The following SYT10 variants were observed in gnomAD, a reference collection of about 807,000 sequenced individuals.
SYT10 encodes synaptotagmin 10.
A neutral mutation model predicts 51.1 loss-of-function variants in SYT10; 31 were observed. That is an observed-to-expected ratio of 0.61 (90% CI 0.46 to 0.82). SYT10 has a LOEUF of 0.82. Ranked by LOEUF, SYT10 falls within the 40% of genes least tolerant of loss-of-function variation. The pLI, the probability that SYT10 is intolerant of heterozygous loss-of-function variation, is 0.00. For missense variants in SYT10, 603 were observed against 634.0 expected, an observed-to-expected ratio of 0.95 and a Z score of 0.53; for synonymous variants, 233 against 225.9, an observed-to-expected ratio of 1.03 and a Z score of -0.28.
intron 2 of SYT10, among the ~76,000 whole-genome samples, chr12:33,425,433 C>T (rs10772080): frequency 0.13 from 20,268 of 151,964 alleles, 1,581 homozygotes; most frequent in African/African-American, 0.19. Flanking sequence ...GAATATACTG[C>T]GGTTAATTAT....
chr12:33,414,275 A>C (rs80128390), intron 2 of SYT10, among the ~76,000 whole-genome samples: 7 of 152,176 alleles, frequency 4.6e-5, no homozygotes, highest in Non-Finnish European at 7.3e-5. Flanking sequence ...GACAGATCAA[A>C]GAGACAGAAA....
chr12:33,394,009 G>T (rs1384983657), intron 3 of SYT10, among the ~76,000 whole-genome samples: 3 of 152,058 alleles, frequency 2.0e-5, no homozygotes, highest in African/African-American at 7.2e-5. Flanking sequence ...AAGTTTGCTG[G>T]GTTGATGGGT....
chr12:33,426,634 G>T, intron 1 of SYT10, 139 bp from the exon 2 acceptor site: 1 of 824,982 alleles, frequency 1.2e-6, no homozygotes, highest in Non-Finnish European at 1.8e-6. Flanking sequence ...ATCTTTGTAG[G>T]AAGAAAAGGT....
At chr12:33,407,447 A>C in intron 2 of SYT10, 91 bp from the exon 3 acceptor site, 1 of 1,341,946 alleles carries the variant, frequency 7.5e-7, no homozygotes, top group Admixed American at 2.2e-5. Context: ...CCCCACCCCC[A>C]GAATAGTGAA....
chr12:33,434,918 T>C (rs567471711), intron 1 of SYT10, among the ~76,000 whole-genome samples: 1 of 152,334 alleles, frequency 6.6e-6, no homozygotes, highest in African/African-American at 2.4e-5. Context: ...AGAGCTGACA[T>C]GCTATTGACT....
intron 2 of SYT10, among the ~76,000 whole-genome samples, chr12:33,421,560 T>C (rs1866505296): frequency 6.6e-6 from 1 of 152,102 alleles, no homozygotes; most frequent in Admixed American, 6.6e-5. Flanking sequence ...CTTTTAAAGA[T>C]GATGTATTTA....
intron 3 of SYT10, 57 bp from the exon 4 acceptor site, chr12:33,385,348 A>G: frequency 6.3e-7 from 1 of 1,593,764 alleles, no homozygotes; most frequent in Non-Finnish European, 8.5e-7. Context: ...AAAACCAAAA[A>G]TAATCATTTT....
intron 2 of SYT10, among the ~76,000 whole-genome samples, chr12:33,421,498 C>A (rs1411780381): frequency 6.6e-6 from 1 of 152,102 alleles, no homozygotes; most frequent in Non-Finnish European, 1.5e-5. Flanking sequence ...CTATCATTAA[C>A]CTCTTTCTAA....
rs1175975435 is a variant in SYT10, at chr12:33,439,503, T to A, written c.20A>T (p.Asp7Val). 1 of 1,612,990 alleles carries A rather than the reference T, an allele frequency of 6.2e-7. No individual in the cohort carries two copies. The highest frequency in any genetic ancestry group is 2.2e-5 in the East Asian group (1 of 44,826). Reference protein sequence around the residue: MSFHKEDGVNSLCQKAL... With the variant: MSFHKEVGVNSLCQKAL... ...CTTCTGGCACAGACTGTTCACTCCG[T>A]CCTCCTTGTGGAAACTCATCGTTTG... The change falls in exon 1 of 7, where the codon GAC becomes GTC. Residue 7 changes from aspartate (D) to valine (V), a missense_variant. By Grantham distance (152) the Asp-to-Val change is radical (BLOSUM62 -3). Coordinates refer to ENST00000228567, the MANE Select transcript of SYT10 (RefSeq NM_198992.4).
intron 1 of SYT10, among the ~76,000 whole-genome samples, chr12:33,437,757 A>G (rs1028250882): frequency 1.1e-4 from 17 of 152,052 alleles, no homozygotes; most frequent in African/African-American, 3.9e-4. Flanking sequence ...AGCTTATCTA[A>G]TATCACCACA....
At position 33,382,460 on chromosome 12, in the gene SYT10, G is replaced by A. The variant is rs35190376; in HGVS notation, c.1259C>T (p.Thr420Ile). 9.3e-6 allele frequency: 15 copies of A among 1,612,990 alleles called. 1 individual carries two copies. Among genetic ancestry groups the A allele is most frequent in the Middle Eastern group, 1.7e-4 (1 of 6,052 alleles). The change falls in exon 5 of 7, where the codon ACT (threonine) becomes ATT (isoleucine). Residue 420 changes from threonine (T) to isoleucine (I), a missense_variant. By Grantham distance (89) the Thr-to-Ile change is moderately conservative. Transcript: ENST00000228567. The part of the protein sequence containing the change: ...EGRRLKKRKT[T>I]TKKNTLNPVY... ...AGGGTTTAGAGTGTTTTTCTTTGTA[G>A]TTGTTTTCCTCTTTTTTAATCTTCG...
At chr12:33,390,187 C>T (rs74947066) in intron 3 of SYT10, among the ~76,000 whole-genome samples, 4,791 of 152,212 alleles carry the variant, frequency 0.031, 252 homozygotes, top group African/African-American at 0.11. Context: ...CACAAACAAT[C>T]GCTGATGTGA....
chr12:33,425,995 C>G (rs1231672163), intron 2 of SYT10, 143 bp downstream of exon 2: 1 of 816,354 alleles, frequency 1.2e-6, no homozygotes, highest in African/African-American at 1.7e-5. Context: ...TTATCTATTT[C>G]CTATGTCTTT....
intron 6 of SYT10, among the ~76,000 whole-genome samples, chr12:33,379,095 A>T (rs1204120338): frequency 2.0e-5 from 3 of 152,170 alleles, no homozygotes; most frequent in African/African-American, 7.2e-5. Context: ...TATTTAGTCA[A>T]TGGGATACTG....
At chr12:33,414,843 T>C (rs1866439364) in intron 2 of SYT10, among the ~76,000 whole-genome samples, 1 of 152,180 alleles carries the variant, frequency 6.6e-6, no homozygotes, top group Non-Finnish European at 1.5e-5. Context: ...ACTCTGAGGG[T>C]AGCTAGATAT....
chr12:33,434,123 T>C (rs568843627), intron 1 of SYT10, among the ~76,000 whole-genome samples: 1 of 152,304 alleles, frequency 6.6e-6, no homozygotes, highest in East Asian at 1.9e-4. Flanking sequence ...CATGAATATA[T>C]TGAACAGAGA....
In SYT10 at chr12:33,414,671, T is replaced by C. The variant is rs182792676; in HGVS notation, c.510-7315A>G. 3.8e-4 allele frequency among the ~76,000 whole-genome samples: 58 copies of C among 152,248 alleles called. No individual in the cohort carries two copies. The East Asian group carries it at 5.6e-3, about 15-fold the overall frequency. On this transcript the variant is annotated intron_variant, in intron 2 of 6. Transcript: ENST00000228567. ...AACATACCAGAATCTCTGGGACACATTGAAAGCAGTGTGTAGAAGGAAATT... is the reference window on the plus strand; with the variant it reads ...AACATACCAGAATCTCTGGGACACACTGAAAGCAGTGTGTAGAAGGAAATT...
intron 4 of SYT10, 70 bp from the exon 5 acceptor site, chr12:33,382,590 T>C: frequency 7.1e-7 from 1 of 1,409,014 alleles, no homozygotes; most frequent in Non-Finnish European, 9.4e-7. Context: ...CTGCAGTTTA[T>C]TTTTACTAAA....
At chr12:33,391,256 T>TA (rs1866204429) in intron 3 of SYT10, among the ~76,000 whole-genome samples, 2 of 152,176 alleles carry the variant, frequency 1.3e-5, no homozygotes, top group African/African-American at 4.8e-5. Flanking sequence ...TATTTTATTT[T>TA]TTTTTATCTT....
Sources: gnomAD v4.1 joint callset for allele counts (sites outside exome capture counted in the v4.1 genomes callset) on GRCh38, gnomAD v4.1.1 for gene constraint, MANE v1.5 for transcripts, NCBI Gene and HGNC (gene_info 2026-07-23, HGNC 2026-07-21) for gene names.